NRXN3: variants seen among roughly 807,000 people sequenced by gnomAD.
The protein encoded by NRXN3 is neurexin 3, also known as neurexin III.
A neutral mutation model predicts 137.6 loss-of-function variants in NRXN3; 32 were observed. That is an observed-to-expected ratio of 0.23 (90% confidence interval 0.18 to 0.31). NRXN3 has a LOEUF of 0.31. Among genes scored for constraint, NRXN3 ranks in the 10% least tolerant of loss-of-function variants. NRXN3 has a pLI of 1.00. For missense variants in NRXN3, 1,574 were observed against 2,062.5 expected (o/e 0.76, Z 4.59); for synonymous variants, 798 against 784.5 (o/e 1.02, Z -0.29).
chr14:78,350,276 C>T (rs549100119), intron 4 of NRXN3, among the ~76,000 whole-genome samples: 41 of 145,168 alleles, frequency 2.8e-4, no homozygotes, highest in African/African-American at 7.5e-4. Context: ...ACAACAAGAG[C>T]GGAACTTCAT....
chr14:78,343,431 A>C (rs1052769472), intron 4 of NRXN3, among the ~76,000 whole-genome samples: 3 of 152,216 alleles, frequency 2.0e-5, no homozygotes, highest in South Asian at 2.1e-4. Flanking sequence ...CTGATGTATA[A>C]ATCCTGTAGA....
chr14:78,729,888 G>T (rs1195483402), intron 8 of NRXN3, among the ~76,000 whole-genome samples: 1 of 152,192 alleles, frequency 6.6e-6, no homozygotes, highest in Non-Finnish European at 1.5e-5. Flanking sequence ...AAGAATGAAT[G>T]CAAAGCAAAA....
At chr14:78,333,954 T>G (rs1597435344) in intron 4 of NRXN3, among the ~76,000 whole-genome samples, 1 of 151,786 alleles carries the variant, frequency 6.6e-6, no homozygotes. Flanking sequence ...GGCGTGAGAG[T>G]GGTTCTATTC....
chr14:78,424,631 G>A (rs1245676964), intron 4 of NRXN3, among the ~76,000 whole-genome samples: 2 of 152,322 alleles, frequency 1.3e-5, no homozygotes, highest in African/African-American at 4.8e-5. Flanking sequence ...CAAAAGCAAA[G>A]TATCTGGGCT....
intron 15 of NRXN3, among the ~76,000 whole-genome samples, chr14:79,015,354 A>G (rs751508442): frequency 6.6e-6 from 1 of 152,180 alleles, no homozygotes; most frequent in South Asian, 2.1e-4. Flanking sequence ...TGTGGGTGAT[A>G]GATCATTTTC....
At chr14:79,737,991 T>C (rs989405494) in intron 19 of NRXN3, among the ~76,000 whole-genome samples, 1 of 152,164 alleles carries the variant, frequency 6.6e-6, no homozygotes, top group Non-Finnish European at 1.5e-5. Context: ...CCAACATTGA[T>C]ATCAAAGGCC....
chr14:79,492,013 T>C (rs907439838), intron 16 of NRXN3, among the ~76,000 whole-genome samples: 2 of 152,178 alleles, frequency 1.3e-5, no homozygotes, highest in African/African-American at 4.8e-5. Flanking sequence ...ACCTTCCTGC[T>C]TTCTCGTAGA....
intron 14 of NRXN3, among the ~76,000 whole-genome samples, chr14:78,980,639 G>T (rs2099487032): frequency 6.6e-6 from 1 of 152,078 alleles, no homozygotes; most frequent in Non-Finnish European, 1.5e-5. Context: ...TTAATGAGAA[G>T]AACAATCCCA....
intron 19 of NRXN3, among the ~76,000 whole-genome samples, chr14:79,761,521 A>C (rs1054858619): frequency 4.6e-5 from 7 of 151,282 alleles, no homozygotes; most frequent in Non-Finnish European, 1.0e-4. Context: ...TGGTGAACCC[A>C]GTATCTACTA....
At chr14:78,629,367 C>G (rs1244870913) in intron 4 of NRXN3, among the ~76,000 whole-genome samples, 1 of 152,148 alleles carries the variant, frequency 6.6e-6, no homozygotes, top group Non-Finnish European at 1.5e-5. Context: ...TAAAGTGACA[C>G]AATGTCATTG....
At chr14:78,423,492 A>G (rs942261796) in intron 4 of NRXN3, among the ~76,000 whole-genome samples, 2 of 152,146 alleles carry the variant, frequency 1.3e-5, no homozygotes, top group South Asian at 2.1e-4. Context: ...CTTTGGAATG[A>G]CGGCGCCTCA....
intron 15 of NRXN3, among the ~76,000 whole-genome samples, chr14:79,179,048 A>G (rs2062650375): frequency 6.6e-6 from 1 of 152,184 alleles, no homozygotes; most frequent in Non-Finnish European, 1.5e-5. Context: ...TGATAGATGA[A>G]AAAACTCATC....
At chr14:79,038,045 A>G (rs1568072402) in intron 15 of NRXN3, among the ~76,000 whole-genome samples, 1 of 152,126 alleles carries the variant, frequency 6.6e-6, no homozygotes, top group South Asian at 2.1e-4. Context: ...AAGGCATTCT[A>G]TGAAGGGGGT....
chr14:78,656,432 A>C (rs2097785332), intron 6 of NRXN3, among the ~76,000 whole-genome samples: 1 of 152,138 alleles, frequency 6.6e-6, no homozygotes, highest in Non-Finnish European at 1.5e-5. Flanking sequence ...ATGGAGGTAG[A>C]GCATGTTCTG....
chr14:78,947,544 AC>A (rs1248240045), intron 10 of NRXN3, among the ~76,000 whole-genome samples: 2 of 152,216 alleles, frequency 1.3e-5, no homozygotes, highest in Non-Finnish European at 2.9e-5. Flanking sequence ...GAATAGACTT[AC>A]GCTATTTAAG....
At chr14:79,147,378 G>A (rs913296289) in intron 15 of NRXN3, among the ~76,000 whole-genome samples, 2 of 152,140 alleles carry the variant, frequency 1.3e-5, no homozygotes, top group Admixed American at 6.5e-5. Context: ...TCAAGTGACT[G>A]CATGTCATGT....
intron 15 of NRXN3, among the ~76,000 whole-genome samples, chr14:79,442,740 G>T (rs1251339644): frequency 2.0e-5 from 3 of 152,186 alleles, no homozygotes; most frequent in Non-Finnish European, 4.4e-5. Flanking sequence ...CTGATTTGCT[G>T]ATTTTATTTT....
chr14:78,915,629 T>C (rs1181664913), intron 10 of NRXN3, among the ~76,000 whole-genome samples: 1 of 152,112 alleles, frequency 6.6e-6, no homozygotes, highest in Non-Finnish European at 1.5e-5. Flanking sequence ...CAGGATTGCT[T>C]AATTCTCACT....
chr14:78,882,096 A>T (rs28852487), intron 10 of NRXN3, among the ~76,000 whole-genome samples: 9,593 of 151,850 alleles, frequency 0.063, 930 homozygotes, highest in African/African-American at 0.18. Context: ...CTGTGATTGT[A>T]TAGAAGACAA....
Sources: gnomAD v4.1 joint callset for allele counts (sites outside exome capture counted in the v4.1 genomes callset) on GRCh38, gnomAD v4.1.1 for gene constraint, MANE v1.5 for transcripts, NCBI Gene and HGNC (gene_info 2026-07-23, HGNC 2026-07-21) for gene names.